PRR16: variants seen among roughly 807,000 people sequenced by gnomAD.
The protein encoded by PRR16 is proline rich 16.
PRR16 carries 6 observed loss-of-function variants against 18.2 expected under a neutral mutation model. The ratio of observed to expected loss-of-function variants is 0.33; its 90% CI spans 0.18 to 0.65. The LOEUF (loss-of-function observed/expected upper bound fraction) is 0.65, where lower values mean the gene tolerates loss of function less well. PRR16 is among the 30% of genes least tolerant of loss of function. The pLI is 0.74. For synonymous variants in PRR16, 151 were observed against 147.8 expected (o/e 1.02, Z -0.16); for missense variants, 412 against 376.6 (o/e 1.09, Z -0.78).
intron 1 of PRR16, among the ~76,000 whole-genome samples, chr5:120,642,456 G>T (rs747354501): frequency 1.3e-5 from 2 of 151,890 alleles, no homozygotes; most frequent in South Asian, 4.2e-4. Context: ...ATAACACAAG[G>T]TACCTCAGTG....
At chr5:120,758,826 C>T in the PRR16 span, among the ~76,000 whole-genome samples, 1 of 151,984 alleles carries the variant, frequency 6.6e-6, no homozygotes, top group African/African-American at 2.4e-5. Context: ...CAAACTAATA[C>T]ATTAGTCTAA....
intron 1 of PRR16, among the ~76,000 whole-genome samples, chr5:120,553,796 T>A (rs1353569113): frequency 6.6e-6 from 1 of 151,902 alleles, no homozygotes. Flanking sequence ...ACATTACAAC[T>A]TGGTATATTA....
the PRR16 span, among the ~76,000 whole-genome samples, chr5:120,723,110 T>C: frequency 4.6e-5 from 7 of 152,054 alleles, no homozygotes; most frequent in East Asian, 1.2e-3. Flanking sequence ...TTCGCTTTTG[T>C]AGCAATACCA....
chr5:120,574,055 A>G (rs1217935938), intron 1 of PRR16, among the ~76,000 whole-genome samples: 3 of 152,134 alleles, frequency 2.0e-5, no homozygotes, highest in Non-Finnish European at 4.4e-5. Context: ...TCAAAAAAAT[A>G]CAGAAGCTCT....
chr5:120,712,209 G>A, the PRR16 span, among the ~76,000 whole-genome samples: 4 of 152,076 alleles, frequency 2.6e-5, no homozygotes, highest in African/African-American at 9.7e-5. Flanking sequence ...TACCTCCTTT[G>A]TGCGTGGTAA....
In PRR16 at chr5:120,515,694, T is replaced by C. The variant is rs116835100; in HGVS notation, c.159+51049T>C. On this transcript the variant is annotated intron_variant, in intron 1 of 1. Transcript: ENST00000407149. ...CTTTGATATAATCTATACTTGTATG[T>C]ATGTGGATATTTATTCAAATGATAA... 1.3e-3 allele frequency among the ~76,000 whole-genome samples: 191 copies of C among 152,338 alleles called. 1 individual carries two copies. Among genetic ancestry groups the C allele is most frequent in the African/African-American group, 4.4e-3 (181 of 41,576 alleles).
At chr5:120,539,719 G>A (rs1751847431) in intron 1 of PRR16, among the ~76,000 whole-genome samples, 1 of 152,120 alleles carries the variant, frequency 6.6e-6, no homozygotes, top group Non-Finnish European at 1.5e-5. Context: ...AAAGGGTGTA[G>A]GAAGAGCATT....
At chr5:120,655,390 A>T (rs1172126309) in intron 1 of PRR16, among the ~76,000 whole-genome samples, 9 of 149,214 alleles carry the variant, frequency 6.0e-5, no homozygotes, top group Non-Finnish European at 1.2e-4. Flanking sequence ...TTTTTTTTTA[A>T]AAAAAAAGAG....
intron 1 of PRR16, among the ~76,000 whole-genome samples, chr5:120,491,457 TCCTTTCCTTTCCTTTCCTTTCCTTTCTTC>T (rs1750040937): frequency 1.8e-5 from 2 of 112,756 alleles, no homozygotes; most frequent in Non-Finnish European, 3.8e-5. Context: ...TCCTTTCCTT[TCCTTTCCTTTCCTTTCCTTTCCTTTCTTC>T]CTTCCTTCCT....
intron 1 of PRR16, among the ~76,000 whole-genome samples, chr5:120,659,114 C>G (rs1756088867): frequency 6.6e-6 from 1 of 151,908 alleles, no homozygotes; most frequent in Non-Finnish European, 1.5e-5. Context: ...TCAAAGGGTT[C>G]ATTGGATGTA....
At chr5:120,471,272 C>G (rs957256408) in intron 1 of PRR16, among the ~76,000 whole-genome samples, 9 of 152,076 alleles carry the variant, frequency 5.9e-5, no homozygotes, top group African/African-American at 2.2e-4. Flanking sequence ...AAGAATATTA[C>G]ATAGATTTTT....
chr5:120,598,017 A>G (rs1042759734), intron 1 of PRR16, among the ~76,000 whole-genome samples: 2 of 151,908 alleles, frequency 1.3e-5, no homozygotes, highest in Non-Finnish European at 1.5e-5. Context: ...AATATGGATT[A>G]TGTATACAAA....
the PRR16 span, chr5:120,710,830 T>A: frequency 1.3e-5 from 2 of 152,282 alleles, no homozygotes; most frequent in African/African-American, 4.8e-5. Context: ...ATACTGCCTC[T>A]TTGTGAAGTT....
At chr5:120,681,684 T>C (rs1405897864) in intron 1 of PRR16, among the ~76,000 whole-genome samples, 1 of 152,192 alleles carries the variant, frequency 6.6e-6, no homozygotes, top group African/African-American at 2.4e-5. Flanking sequence ...TCAGTCTTTG[T>C]TGTCTAAAAA....
At chr5:120,678,529 C>T (rs1278298532) in intron 1 of PRR16, among the ~76,000 whole-genome samples, 4 of 152,112 alleles carry the variant, frequency 2.6e-5, no homozygotes, top group Non-Finnish European at 5.9e-5. Flanking sequence ...CTTATATGTT[C>T]TGAGGGGAAT....
At chr5:120,657,467 A>T (rs796188415) in intron 1 of PRR16, among the ~76,000 whole-genome samples, 10 of 152,046 alleles carry the variant, frequency 6.6e-5, no homozygotes, top group African/African-American at 2.4e-4. Context: ...TATTTGCACT[A>T]TGAAAATTGG....
At chr5:120,515,398 T>C (rs1022167761) in intron 1 of PRR16, among the ~76,000 whole-genome samples, 2 of 152,206 alleles carry the variant, frequency 1.3e-5, no homozygotes, top group Admixed American at 6.5e-5. Flanking sequence ...AAATGTCATA[T>C]ATTTTATCCT....
intron 1 of PRR16, among the ~76,000 whole-genome samples, chr5:120,613,522 C>T (rs997825442): frequency 1.3e-5 from 2 of 151,798 alleles, no homozygotes; most frequent in South Asian, 4.2e-4. Flanking sequence ...TGTAGGCTTC[C>T]ATTTGGGAAA....
In PRR16 at chr5:120,490,269, C is replaced by G. The variant is rs180935266; in HGVS notation, c.159+25624C>G. ...TGTTTTCCATCTTGGTTCCATTCTC[C>G]CCGTCACTTTCATGTACCGCAATCG... On this transcript the variant is annotated intron_variant, in intron 1 of 1. Coordinates refer to ENST00000407149, the MANE Select transcript of PRR16 (RefSeq NM_001300783.2). 5.3e-5 allele frequency among the ~76,000 whole-genome samples: 8 copies of G among 152,260 alleles called. No individual in the cohort carries two copies. In the East Asian group the frequency reaches 1.5e-3, roughly 29 times the overall value.
Sources: allele counts gnomAD v4.1 joint callset (sites outside exome capture counted in the v4.1 genomes callset), GRCh38; gene constraint gnomAD v4.1.1; transcripts MANE v1.5; gene names NCBI Gene and HGNC (gene_info 2026-07-23, HGNC 2026-07-21).